THSD4: variants seen among roughly 807,000 people sequenced by gnomAD.
THSD4 encodes thrombospondin type-1 domain-containing protein 4.
In THSD4, 69 loss-of-function variants were observed where a neutral mutation model predicts 119.0. That is an observed-to-expected ratio of 0.58 (90% CI 0.48 to 0.71). The LOEUF (loss-of-function observed/expected upper bound fraction) is 0.71. Among genes scored for constraint, THSD4 ranks in the 30% least tolerant of loss-of-function variants. The pLI, the probability that THSD4 is intolerant of heterozygous loss-of-function variation, is 0.00. For missense variants in THSD4, 1,393 were observed against 1,391.1 expected, an observed-to-expected ratio of 1.00 and a Z score of -0.02; for synonymous variants, 524 against 540.4, an observed-to-expected ratio of 0.97 and a Z score of 0.42.
At chr15:71,750,582 T>A (rs538384209) in intron 14 of THSD4, among the ~76,000 whole-genome samples, 18 of 152,174 alleles carry the variant, frequency 1.2e-4, no homozygotes, top group Non-Finnish European at 2.1e-4. Context: ...TCCCCACACC[T>A]CATGGCATAT....
At chr15:71,541,989 T>C (rs2048766552) in intron 7 of THSD4, among the ~76,000 whole-genome samples, 1 of 152,200 alleles carries the variant, frequency 6.6e-6, no homozygotes, top group Non-Finnish European at 1.5e-5. Flanking sequence ...AATTGTCATA[T>C]GAAGGGATTT....
At chr15:71,205,674 G>A (rs573389853) in intron 3 of THSD4, among the ~76,000 whole-genome samples, 40 of 152,254 alleles carry the variant, frequency 2.6e-4, no homozygotes, top group Middle Eastern at 3.4e-3. Flanking sequence ...CTTCCATACT[G>A]TGAGGTTCTT....
chr15:71,632,080 G>A (rs980958565), intron 7 of THSD4, among the ~76,000 whole-genome samples: 1 of 152,180 alleles, frequency 6.6e-6, no homozygotes, highest in Admixed American at 6.5e-5. Context: ...TATAGAGCTG[G>A]CAGAAAAAGT....
intron 6 of THSD4, among the ~76,000 whole-genome samples, chr15:71,366,188 C>G (rs556939651): frequency 6.6e-6 from 1 of 152,274 alleles, no homozygotes; most frequent in South Asian, 2.1e-4. Flanking sequence ...ATTCTCCTGC[C>G]TCAGCCTCCC....
intron 6 of THSD4, among the ~76,000 whole-genome samples, chr15:71,273,330 A>G (rs566697671): frequency 6.6e-6 from 1 of 152,336 alleles, no homozygotes; most frequent in African/African-American, 2.4e-5. Context: ...TTTATGTGGA[A>G]TGTAAAAATT....
intron 6 of THSD4, among the ~76,000 whole-genome samples, chr15:71,298,268 G>A (rs1016042380): frequency 4.6e-5 from 7 of 152,090 alleles, no homozygotes; most frequent in Admixed American, 4.6e-4. Flanking sequence ...GATTTCTCTG[G>A]ACTCTCAATT....
At chr15:71,395,930 C>T (rs2046446714) in intron 6 of THSD4, among the ~76,000 whole-genome samples, 1 of 150,160 alleles carries the variant, frequency 6.7e-6, no homozygotes, top group South Asian at 2.1e-4. Flanking sequence ...CACACACACA[C>T]ACACACACAC....
intron 1 of THSD4, among the ~76,000 whole-genome samples, chr15:71,099,732 A>G (rs1417939315): frequency 6.6e-6 from 1 of 152,104 alleles, no homozygotes; most frequent in African/African-American, 2.4e-5. Context: ...TGGGAGGCCA[A>G]GGGGGGCAGA....
chr15:71,287,656 T>C (rs1490826778), intron 6 of THSD4, among the ~76,000 whole-genome samples: 1 of 152,206 alleles, frequency 6.6e-6, no homozygotes, highest in African/African-American at 2.4e-5. Flanking sequence ...AAATGTAACT[T>C]GCTGAAAATC....
At chr15:71,232,929 G>A (rs1275872114) in intron 4 of THSD4, among the ~76,000 whole-genome samples, 1 of 152,214 alleles carries the variant, frequency 6.6e-6, no homozygotes, top group Admixed American at 6.5e-5. Flanking sequence ...GTACCTGACA[G>A]ATGGGGATGC....
At chr15:71,565,646 C>T (rs1160159604) in intron 7 of THSD4, among the ~76,000 whole-genome samples, 1 of 151,794 alleles carries the variant, frequency 6.6e-6, no homozygotes, top group Non-Finnish European at 1.5e-5. Flanking sequence ...GAGACCTTAT[C>T]CCTCTGATTT....
intron 6 of THSD4, among the ~76,000 whole-genome samples, chr15:71,390,849 CTTT>C (rs1010882999): frequency 3.3e-5 from 3 of 90,880 alleles, no homozygotes; most frequent in Non-Finnish European, 6.3e-5. Flanking sequence ...TTGGCTAAAT[CTTT>C]TTTTTTTTTT....
rs35666244 is a variant in THSD4 at position 71,524,763 on chromosome 15, ATTTT to A, written c.1152+112958_1152+112961del. Among the ~76,000 whole-genome samples, 417 of 116,090 alleles carry A rather than the reference ATTTT, an allele frequency of 3.6e-3. 12 individuals are homozygous for A. In the South Asian group the frequency reaches 0.07, roughly 20 times the overall value. The allele number at this position is 116,090 out of a possible 152,430, so 76.2% of individuals were successfully genotyped here. A position where few individuals can be genotyped will look rare whatever the true frequency, so the allele number is the denominator to read the frequency against. On this transcript the variant is annotated intron_variant, in intron 7 of 17. Transcript: ENST00000261862. Reference sequence around the variant, plus strand: ...AGGTGCCCACCACCACGCCCGGCTAATTTTTTTTTTTTTTTTTTTTTGTATTTTT... The same window carrying A: ...AGGTGCCCACCACCACGCCCGGCTAATTTTTTTTTTTTTTTTTGTATTTTT...
intron 3 of THSD4, among the ~76,000 whole-genome samples, chr15:71,173,014 G>T (rs1756589737): frequency 6.6e-6 from 1 of 151,800 alleles, no homozygotes; most frequent in South Asian, 2.1e-4. Flanking sequence ...AGCACTGGAA[G>T]TTCTAGGAGA....
At chr15:71,766,175 G>C (rs2053714105) in intron 16 of THSD4, among the ~76,000 whole-genome samples, 1 of 152,096 alleles carries the variant, frequency 6.6e-6, no homozygotes, top group African/African-American at 2.4e-5. Context: ...GGGAAAGGAT[G>C]GATATAGTGA....
chr15:71,705,334 G>A (rs754073961), intron 8 of THSD4, among the ~76,000 whole-genome samples: 6 of 152,134 alleles, frequency 3.9e-5, no homozygotes, highest in Non-Finnish European at 5.9e-5. Flanking sequence ...TTTGCACACC[G>A]CAACTAACAA....
In THSD4 at chr15:71,609,635, G is replaced by A. The variant is rs190125739; in HGVS notation, c.1153-50895G>A. Among the ~76,000 whole-genome samples, 751 of 152,176 alleles carry A rather than the reference G, an allele frequency of 4.9e-3. 7 individuals carry two copies. Among genetic ancestry groups the A allele is most frequent in the African/African-American group, 0.017 (721 of 41,522 alleles). Reference sequence around the variant, plus strand: ...TGGGAGGCCGAGGCGGGCAGATCACGAGGTCAGGAAATTGAGACCATCCTG... The same window carrying A: ...TGGGAGGCCGAGGCGGGCAGATCACAAGGTCAGGAAATTGAGACCATCCTG... On this transcript the variant is annotated intron_variant, in intron 7 of 17. Coordinates refer to ENST00000261862, the MANE Select transcript of THSD4 (RefSeq NM_024817.3).
intron 6 of THSD4, among the ~76,000 whole-genome samples, chr15:71,365,131 T>TTTTGTGTGTGTGTGTGTGTGTGTG: frequency 1.5e-5 from 2 of 135,824 alleles, no homozygotes; most frequent in Non-Finnish European, 3.2e-5. Context: ...GCCCCCCCCA[T>TTTTGTGTGTGTGTGTGTGTGTGTG]TGTGTGTGTG....
chr15:71,163,789 A>C (rs573729100), intron 3 of THSD4, among the ~76,000 whole-genome samples: 1 of 150,808 alleles, frequency 6.6e-6, no homozygotes, highest in African/African-American at 2.4e-5. Context: ...CAGCATTTTC[A>C]TAGTCTTCAC....
Sources: allele counts gnomAD v4.1 joint callset (sites outside exome capture counted in the v4.1 genomes callset), GRCh38; gene constraint gnomAD v4.1.1; transcripts MANE v1.5; gene names NCBI Gene and HGNC (gene_info 2026-07-23, HGNC 2026-07-21).